Variants in F5 observed in about 807,000 individuals in gnomAD.
The protein encoded by F5 is coagulation factor V, also known as activated protein c cofactor.
Under a neutral mutation model 216.4 loss-of-function variants are expected in F5, and 138 were observed. The observed-to-expected ratio is 0.64, with a 90% CI of 0.56 to 0.73. The LOEUF (loss-of-function observed/expected upper bound fraction) is 0.73, where lower values mean the gene tolerates loss of function less well. Among genes scored for constraint, F5 ranks in the 30% least tolerant of loss-of-function variants. The pLI, the probability that F5 is intolerant of heterozygous loss-of-function variation, is 0.00. For missense variants in F5, 2,403 were observed against 2,674.0 expected (o/e 0.90, Z 2.24); for synonymous variants, 916 against 930.7 (o/e 0.98, Z 0.29).
At position 169,515,564 on chromosome 1, in the gene F5, A is replaced by C; in HGVS notation, c.6408T>G (p.Ile2136Met). The C allele has an allele frequency of 1.9e-6, 3 of 1,613,512 alleles. No homozygotes were observed. Among genetic ancestry groups the C allele is most frequent in the Non-Finnish European group, 2.5e-6 (3 of 1,179,674 alleles). The change falls in exon 24 of 25, where the codon ATT becomes ATG. Residue 2136 changes from isoleucine (I) to methionine (M), a missense_variant. By Grantham distance (10) the Ile-to-Met change is conservative. This residue lies in a region of F5 where 659 missense variants were observed against 787.9 expected (regional missense o/e 0.84). Coordinates refer to ENST00000367797, the MANE Select transcript of F5 (RefSeq NM_000130.5). Reference sequence around the variant, plus strand: ...ACAGAGACTTGCAGCCCTGTGTTATAATTGCCGTTATCTTCTTGATCTTGA... The same window carrying C: ...ACAGAGACTTGCAGCCCTGTGTTATCATTGCCGTTATCTTCTTGATCTTGA... ...DLLKIKKITA[I>M]ITQGCKSLSS...
intron 4 of F5, 97 bp downstream of exon 4, chr1:169,560,457 A>G (rs1557926065): frequency 8.4e-7 from 1 of 1,190,256 alleles, no homozygotes; most frequent in Non-Finnish European, 1.2e-6. Context: ...CTTGATGTAC[A>G]AGAAGTTACC....
At position 169,527,902 on chromosome 1, in the gene F5, A is replaced by G. The variant is rs751140461; in HGVS notation, c.5599+13T>C. ...TTCTTAGCAGGGACCTCTTCCCATT[A>G]CCCAATCTTTACCAGGCAGAAGGGG... On this transcript the variant is annotated intron_variant, in intron 17 of 24. Transcript: ENST00000367797. 6.2e-7 allele frequency: 1 copy of G among 1,612,802 alleles called. No homozygotes were observed. Among genetic ancestry groups the G allele is most frequent in the Non-Finnish European group, 8.5e-7 (1 of 1,179,558 alleles).
intron 21 of F5, among the ~76,000 whole-genome samples, chr1:169,521,547 A>G (rs1262336493): frequency 6.6e-6 from 1 of 151,714 alleles, no homozygotes; most frequent in African/African-American, 2.4e-5. Context: ...TGGAGCAGGT[A>G]TCGGTAATAC....
rs144375278 is a variant in F5 at position 169,556,773 on chromosome 1, G to A, written c.825C>T (p.Val275=). 2.1e-5 allele frequency: 34 copies of A among 1,614,088 alleles called. No individual in the cohort carries two copies. The highest frequency in any genetic ancestry group is 2.9e-5 in the Non-Finnish European group (34 of 1,179,998). ...ELFSIHFNGQ[V]LEQNHHKVSA... ...AGACCTTATGATGGTTCTGCTCCAG[G>A]ACCTGGCCGTTGAAATGAATGGAGA... Residue 275 remains valine (V), a synonymous_variant, in exon 6 of 25, where the codon GTC becomes GTT. Transcript: ENST00000367797.
chr1:169,529,471 T>C (rs1049999025), intron 16 of F5, 137 bp downstream of exon 16: 239 of 797,604 alleles, frequency 3.0e-4, no homozygotes, highest in Non-Finnish European at 4.5e-4. Context: ...TCTGGAATGT[T>C]AAGGAACCGG....
At chr1:169,519,168 T>C (rs960587825) in intron 22 of F5, among the ~76,000 whole-genome samples, 1 of 152,162 alleles carries the variant, frequency 6.6e-6, no homozygotes, top group African/African-American at 2.4e-5. Context: ...TGACCACCCA[T>C]CATCTCTGTG....
chr1:169,536,529 C>T lies in F5; in HGVS notation c.4948G>A (p.Ala1650Thr), dbSNP rs1401861206. The T allele has an allele frequency of 6.2e-7, 1 of 1,613,470 alleles. No homozygotes were observed. The highest frequency in any genetic ancestry group is 8.5e-7 in the Non-Finnish European group (1 of 1,179,536). The change falls in exon 14 of 25, where the codon GCT becomes ACT. Residue 1650 changes from alanine (A) to threonine (T), a missense_variant. Ala to Thr is a moderately conservative substitution (Grantham distance 58). Around this residue, in one of 4 missense-constraint regions of F5, gnomAD observed 659 missense variants for 787.9 expected, o/e 0.84. Coordinates refer to ENST00000367797, the MANE Select transcript of F5 (RefSeq NM_000130.5). ...HLGILGPIIR[A>T]EVDDVIQVRF... ...ACTTGGATAACATCATCCACTTCAG[C>T]TCTGATAATAGGACCAAGAATTCCG...
chr1:169,523,932 T>C (rs777553363), intron 19 of F5, 28 bp from the exon 20 acceptor site: 4 of 1,581,882 alleles, frequency 2.5e-6, no homozygotes, highest in Middle Eastern at 1.7e-4. Context: ...AAAAGATTTA[T>C]TCTGAATTTT....
chr1:169,523,519 T>A (rs1214012701), intron 20 of F5, among the ~76,000 whole-genome samples, 167 bp from the exon 21 acceptor site: 1 of 152,208 alleles, frequency 6.6e-6, no homozygotes, highest in Non-Finnish European at 1.5e-5. Context: ...ACAGAGTACC[T>A]AAATTTGAAT....
intron 3 of F5, among the ~76,000 whole-genome samples, chr1:169,566,229 A>G (rs758920164): frequency 6.6e-6 from 1 of 152,058 alleles, no homozygotes; most frequent in Non-Finnish European, 1.5e-5. Context: ...TTGAAAAATG[A>G]TGTTTCTGGA....
intron 15 of F5, 129 bp from the exon 16 acceptor site, chr1:169,529,947 A>G (rs1659553839): frequency 1.4e-6 from 1 of 735,826 alleles, no homozygotes. Flanking sequence ...TTATAAATGA[A>G]TGGCATAATA....
intron 2 of F5, among the ~76,000 whole-genome samples, chr1:169,581,236 A>C (rs183731213): frequency 2.0e-5 from 3 of 152,334 alleles, no homozygotes; most frequent in Admixed American, 1.3e-4. Flanking sequence ...ATGTCCTAGT[A>C]ATGTCTAGTA....
chr1:169,566,789 G>T (rs759290016), intron 3 of F5, among the ~76,000 whole-genome samples: 3 of 151,800 alleles, frequency 2.0e-5, no homozygotes, highest in Non-Finnish European at 4.4e-5. Flanking sequence ...AAAATTTCTG[G>T]CTCCTAACAA....
chr1:169,519,535 T>C (rs890134403), intron 22 of F5, among the ~76,000 whole-genome samples: 2 of 152,300 alleles, frequency 1.3e-5, no homozygotes, highest in Middle Eastern at 3.4e-3. Flanking sequence ...TATCTGGACA[T>C]TGGCAAAATA....
At chr1:169,525,868 G>A (rs1264630868) in intron 18 of F5, 33 bp downstream of exon 18, 2 of 1,500,420 alleles carry the variant, frequency 1.3e-6, no homozygotes, top group Non-Finnish European at 1.9e-6. Flanking sequence ...GCACTCTCCT[G>A]CCAAACCAAA....
chr1:169,577,201 C>T (rs889112715), intron 2 of F5, among the ~76,000 whole-genome samples: 4 of 151,988 alleles, frequency 2.6e-5, no homozygotes, highest in Non-Finnish European at 5.9e-5. Context: ...AGTTGTGGAA[C>T]TGGAAAGGAC....
intron 21 of F5, among the ~76,000 whole-genome samples, chr1:169,522,411 C>A (rs1455988449): frequency 6.6e-6 from 1 of 152,016 alleles, no homozygotes; most frequent in Admixed American, 6.6e-5. Context: ...TGAACATAGA[C>A]GACAAAATCT....
intron 21 of F5, among the ~76,000 whole-genome samples, chr1:169,521,702 C>G (rs1659313541): frequency 1.4e-5 from 2 of 143,140 alleles, no homozygotes; most frequent in South Asian, 4.5e-4. Context: ...CTCACTGCAA[C>G]CTCTGCCTTC....
At chr1:169,518,651 A>T (rs894756612) in intron 22 of F5, 88 bp from the exon 23 acceptor site, 3 of 1,393,576 alleles carry the variant, frequency 2.2e-6, no homozygotes, top group Middle Eastern at 1.8e-4. Flanking sequence ...AAATAATATT[A>T]CTACCAACAA....
Sources: allele counts gnomAD v4.1 joint callset (sites outside exome capture counted in the v4.1 genomes callset), GRCh38; gene constraint gnomAD v4.1.1; regional missense constraint gnomAD v4.1.1; transcripts MANE v1.5; gene names NCBI Gene and HGNC (gene_info 2026-07-23, HGNC 2026-07-21).